Variants in LRRK1 observed in about 807,000 individuals in gnomAD.
The protein encoded by LRRK1 is leucine-rich repeat serine/threonine-protein kinase 1.
A neutral mutation model predicts 209.1 loss-of-function variants in LRRK1; 113 were observed. The ratio of observed to expected loss-of-function variants is 0.54; its 90% CI spans 0.46 to 0.63. LRRK1 has a LOEUF of 0.63. LRRK1 is among the 30% of genes least tolerant of loss of function. The pLI is 0.00. For missense variants in LRRK1, 2,284 were observed against 2,632.2 expected (o/e 0.87, Z 2.89); for synonymous variants, 1,144 against 1,099.7 (o/e 1.04, Z -0.80).
chr15:101,063,018 G>T (rs1040270295), intron 31 of LRRK1, among the ~76,000 whole-genome samples: 1 of 152,084 alleles, frequency 6.6e-6, no homozygotes, highest in Non-Finnish European at 1.5e-5. Flanking sequence ...TCCCCTATCC[G>T]GAGCCTCTTC....
chr15:100,924,679 G>T lies in LRRK1; in HGVS notation c.47G>T (p.Gly16Val), dbSNP rs1389883248. ...QRPPSMYWCV[G>V]PEESAVCPER... ...CCCCCCAGCATGTACTGGTGTGTGG[G>T]GCCGGAGGAGTCAGCTGTGTGTCCA... Residue 16 changes from glycine to valine, a missense_variant, in exon 2 of 34, where the codon GGG (glycine) becomes GTG (valine). Physicochemically the swap from Gly to Val is moderately radical, Grantham distance 109. Around this residue, in one of 6 missense-constraint regions of LRRK1, gnomAD observed 174 missense variants for 133.5 expected, o/e 1.30. Coordinates refer to ENST00000388948, the MANE Select transcript of LRRK1 (RefSeq NM_024652.6). 1.9e-6 allele frequency: 3 copies of T among 1,614,004 alleles called. No homozygotes were observed. In the South Asian group the frequency reaches 3.3e-5, roughly 18 times the overall value.
In LRRK1 at chr15:101,070,454, C is replaced by G. The variant is rs2036759991; in HGVS notation, c.*1606C>G. Reference sequence around the variant, plus strand: ...AGGAGTCCCACTCTCCCTCTCCTCTCATTCCAGTGCCCCACAACTGCCCAG... The same window carrying G: ...AGGAGTCCCACTCTCCCTCTCCTCTGATTCCAGTGCCCCACAACTGCCCAG... On this transcript the variant is annotated 3_prime_UTR_variant, in exon 34 of 34. Transcript: ENST00000388948. The G allele has an allele frequency of 6.6e-6, 1 of 152,030 alleles. No homozygotes were observed. Among genetic ancestry groups the G allele is most frequent in the African/African-American group, 2.4e-5 (1 of 41,342 alleles). The allele number at this position is 152,030 out of a possible 1,614,324, so 9.4% of individuals were successfully genotyped here. A position where few individuals can be genotyped will look rare whatever the true frequency, so the allele number is the denominator to read the frequency against.
chr15:101,009,894 T>C (rs981238605), intron 7 of LRRK1, among the ~76,000 whole-genome samples: 3 of 152,310 alleles, frequency 2.0e-5, no homozygotes, highest in Non-Finnish European at 4.4e-5. Flanking sequence ...CCTGATTTCT[T>C]TTGGACACAT....
At position 101,028,972 on chromosome 15, in the gene LRRK1, A is replaced by T; in HGVS notation, c.2703A>T (p.Ile901=). ...CTGGGGCAGCCATCAGCTTCCTCAT[A>T]GAAACCGGCACCCTGCTCCATTTCC... ...EDLQSAISFL[I]ETGTLLHFPD... The change falls in exon 20 of 34, where the codon ATA becomes ATT. Residue 901 remains isoleucine, a synonymous_variant. Transcript: ENST00000388948. 6.2e-7 allele frequency: 1 copy of T among 1,613,980 alleles called. No individual in the cohort carries two copies. Among genetic ancestry groups the T allele is most frequent in the Non-Finnish European group, 8.5e-7 (1 of 1,179,954 alleles).
chr15:100,956,455 C>CTTTTTCTTTTTTTTTCT, intron 2 of LRRK1, among the ~76,000 whole-genome samples: 5 of 60,530 alleles, frequency 8.3e-5, no homozygotes, highest in South Asian at 5.5e-4. Flanking sequence ...TTTTTTTTTT[C>CTTTTTCTTTTTTTTTCT]TTTTTTTTTT....
chr15:101,044,366 G>A (rs971147302), intron 20 of LRRK1, among the ~76,000 whole-genome samples: 1 of 152,226 alleles, frequency 6.6e-6, no homozygotes, highest in African/African-American at 2.4e-5. Context: ...CAGCACCTCC[G>A]TGCAGACACT....
chr15:101,012,092 G>A lies in LRRK1; in HGVS notation c.1366G>A (p.Asp456Asn). The change falls in exon 10 of 34, where the codon GAT (aspartate) becomes AAT (asparagine). Residue 456 changes from aspartate (D) to asparagine (N), a missense_variant. By Grantham distance (23) the Asp-to-Asn change is conservative. Around this residue, in one of 6 missense-constraint regions of LRRK1, gnomAD observed 494 missense variants for 522.1 expected, o/e 0.95. Transcript: ENST00000388948. ...TTGGAAAAATCACCTGAAGGATGTG[G>A]ATTTCTCAGAAAACGCACTCAAAGA... is the stretch of plus-strand genomic sequence containing the variant. ...VFWKNHLKDV[D>N]FSENALKEVP... is the part of the protein sequence containing the mutation. 1 of 1,613,322 alleles carries A rather than the reference G, an allele frequency of 6.2e-7. No individual in the cohort carries two copies. Among genetic ancestry groups the A allele is most frequent in the East Asian group, 2.2e-5 (1 of 44,836 alleles).
chr15:101,062,434 C>T, intron 30 of LRRK1, 140 bp from the exon 31 acceptor site: 1 of 645,634 alleles, frequency 1.5e-6, no homozygotes. Context: ...ATAAACAACC[C>T]ACCAGAACGT....
intron 2 of LRRK1, among the ~76,000 whole-genome samples, chr15:100,936,978 T>A (rs2042310298): frequency 6.6e-6 from 1 of 152,208 alleles, no homozygotes; most frequent in Admixed American, 6.5e-5. Context: ...TCCTATATTT[T>A]CCAAGAAGCA....
intron 21 of LRRK1, among the ~76,000 whole-genome samples, chr15:101,046,679 C>T (rs1464391977): frequency 6.6e-6 from 1 of 152,164 alleles, no homozygotes. Context: ...AGTGTGGCAT[C>T]ATTTGAAAAA....
rs116529941 is a variant in LRRK1 at position 101,065,879 on chromosome 15, G to A, written c.5442G>A (p.Ala1814=). Residue 1814 remains alanine (A), a synonymous_variant, in exon 32 of 34, where the codon GCG becomes GCA. Transcript: ENST00000388948. ...NPKVPEGDSI[A]DVSIMYSEEL... is the part of the protein sequence containing the mutation. The stretch of plus-strand genomic sequence containing the variant: ...AGGTGCCTGAGGGGGACTCCATCGC[G>A]GACGTGAGCATCATGTACAGTGAGG... 2.9e-4 allele frequency: 461 copies of A among 1,614,102 alleles called. No homozygotes were observed. In the African/African-American group the frequency reaches 3.6e-3, roughly 12 times the overall value.
chr15:101,046,608 G>A (rs1245685960), intron 21 of LRRK1, among the ~76,000 whole-genome samples: 1 of 152,190 alleles, frequency 6.6e-6, no homozygotes, highest in South Asian at 2.1e-4. Flanking sequence ...CGCTAGACTC[G>A]CCTGGAGGAA....
chr15:101,033,409 C>T (rs1375906293), intron 20 of LRRK1, among the ~76,000 whole-genome samples: 3 of 152,166 alleles, frequency 2.0e-5, no homozygotes, highest in African/African-American at 7.2e-5. Flanking sequence ...ATTCACCAAC[C>T]TCTCTTCCTC....
At chr15:100,956,455 C>CTTTTTCTTTTTTTTTTTTTTTT in intron 2 of LRRK1, among the ~76,000 whole-genome samples, 2 of 60,520 alleles carry the variant, frequency 3.3e-5, no homozygotes, top group African/African-American at 8.5e-5. Context: ...TTTTTTTTTT[C>CTTTTTCTTTTTTTTTTTTTTTT]TTTTTTTTTT....
chr15:100,952,529 A>G (rs1272851849), intron 2 of LRRK1, among the ~76,000 whole-genome samples: 1 of 152,200 alleles, frequency 6.6e-6, no homozygotes, highest in Non-Finnish European at 1.5e-5. Context: ...TCACGGGAGT[A>G]ACGGATCTGA....
intron 24 of LRRK1, 138 bp downstream of exon 24, chr15:101,052,098 T>A: frequency 1.0e-6 from 1 of 997,168 alleles, no homozygotes; most frequent in Non-Finnish European, 1.5e-6. Context: ...CCAATCTCAG[T>A]ACCTTTTAGG....
chr15:100,968,847 T>C (rs1407795538), intron 2 of LRRK1, among the ~76,000 whole-genome samples: 4 of 150,546 alleles, frequency 2.7e-5, no homozygotes. Flanking sequence ...TTCTGTTTTG[T>C]TTTTTTGAGA....
chr15:100,941,290 C>G (rs372990311), intron 2 of LRRK1, among the ~76,000 whole-genome samples: 327 of 27,082 alleles, frequency 0.012, no homozygotes, highest in Middle Eastern at 0.023. Context: ...GTGTGTGTGT[C>G]TGTGTGTGTC....
At chr15:101,008,185 C>T (rs1444773965) in intron 6 of LRRK1, among the ~76,000 whole-genome samples, 2 of 146,980 alleles carry the variant, frequency 1.4e-5, no homozygotes, top group Non-Finnish European at 3.0e-5. Flanking sequence ...AAGAGGCTGG[C>T]CTCCTGCAAG....
Sources: allele counts gnomAD v4.1 joint callset (sites outside exome capture counted in the v4.1 genomes callset), GRCh38; gene constraint gnomAD v4.1.1; regional missense constraint gnomAD v4.1.1; transcripts MANE v1.5; gene names NCBI Gene and HGNC (gene_info 2026-07-23, HGNC 2026-07-21).